The following TRPM3 variants were observed in gnomAD, a reference collection of about 807,000 sequenced individuals.
The protein encoded by TRPM3 is transient receptor potential cation channel subfamily M member 3.
In TRPM3, 77 loss-of-function variants were observed where a neutral mutation model predicts 181.2. That is an observed-to-expected ratio of 0.42 (90% confidence interval 0.35 to 0.51). The LOEUF is 0.51. Ranked by LOEUF, TRPM3 falls within the 20% of genes least tolerant of loss-of-function variation. The probability of loss-of-function intolerance (pLI) is 0.01; values close to 1 mark genes in which losing one functional copy is unlikely to be tolerated. For synonymous variants in TRPM3, 745 were observed against 796.4 expected (o/e 0.94, Z 1.09); for missense variants, 1,759 against 2,196.7 (o/e 0.80, Z 3.98).
At chr9:70,562,113 TAA>T (rs2049254298) in intron 22 of TRPM3, among the ~76,000 whole-genome samples, 1 of 152,184 alleles carries the variant, frequency 6.6e-6, no homozygotes, top group Admixed American at 6.5e-5. Context: ...AAAAATAAAT[TAA>T]GTTTCTAAAA....
At chr9:71,240,670 T>C (rs1565374934) in intron 1 of TRPM3, among the ~76,000 whole-genome samples, 1 of 151,254 alleles carries the variant, frequency 6.6e-6, no homozygotes, top group Non-Finnish European at 1.5e-5. Context: ...TAGCAATTTG[T>C]AAAAAAAGTT....
chr9:70,602,775 G>A (rs1338270969), intron 20 of TRPM3, among the ~76,000 whole-genome samples: 1 of 152,216 alleles, frequency 6.6e-6, no homozygotes. Context: ...ATAGAAGTGG[G>A]GGGAGAAAAG....
At chr9:70,673,193 C>T (rs927401976) in intron 9 of TRPM3, among the ~76,000 whole-genome samples, 2 of 151,702 alleles carry the variant, frequency 1.3e-5, no homozygotes, top group African/African-American at 4.9e-5. Flanking sequence ...ATTTGGCTTC[C>T]AGGTGGTTTT....
chr9:70,668,872 T>C (rs908738122), intron 9 of TRPM3, among the ~76,000 whole-genome samples: 3 of 152,216 alleles, frequency 2.0e-5, no homozygotes, highest in Admixed American at 2.0e-4. Flanking sequence ...AGGCAGCAAC[T>C]GATTTAATGA....
At chr9:70,945,582 T>G (rs939936412) in intron 1 of TRPM3, among the ~76,000 whole-genome samples, 5 of 152,262 alleles carry the variant, frequency 3.3e-5, no homozygotes, top group African/African-American at 1.2e-4. Context: ...ATTAACCAAC[T>G]CCCCAAATTT....
At chr9:70,806,276 G>T (rs1356763291) in intron 6 of TRPM3, among the ~76,000 whole-genome samples, 1 of 145,666 alleles carries the variant, frequency 6.9e-6, no homozygotes, top group African/African-American at 2.7e-5. Context: ...TCAGCTATGG[G>T]TGCCAAAAAA....
rs1460113125 is a variant in TRPM3 at position 70,531,323 on chromosome 9, T to G, written c.*4630A>C. The G allele has an allele frequency of 6.6e-6, 1 of 152,228 alleles. No individual in the cohort carries two copies. The allele number at this position is 152,228 out of a possible 1,614,324, so 9.4% of individuals were successfully genotyped here. ...GATTTAAAAATCCCTTGGTTACTTT[T>G]TTTTTGTTTTTAATTTTTCAAAACT... On this transcript the variant is annotated 3_prime_UTR_variant, in exon 26 of 26. Coordinates refer to ENST00000677713, the MANE Select transcript of TRPM3 (RefSeq NM_001366145.2).
intron 20 of TRPM3, among the ~76,000 whole-genome samples, chr9:70,600,419 G>A (rs554585792): frequency 2.0e-5 from 3 of 152,170 alleles, no homozygotes; most frequent in Non-Finnish European, 2.9e-5. Context: ...ACAGGTTTTC[G>A]TAAGTCAGGG....
chr9:71,390,044 C>T (rs2093025320), intron 1 of TRPM3, among the ~76,000 whole-genome samples: 1 of 152,040 alleles, frequency 6.6e-6, no homozygotes, highest in Non-Finnish European at 1.5e-5. Flanking sequence ...CATGTGTGCA[C>T]ACTCATACAC....
At position 70,537,328 on chromosome 9, in the gene TRPM3, T is replaced by C; in HGVS notation, c.3785A>G (p.Asp1262Gly). The C allele has an allele frequency of 6.6e-7, 1 of 1,521,072 alleles. No homozygotes were observed. The highest frequency in any genetic ancestry group is 8.8e-7 in the Non-Finnish European group (1 of 1,132,732). The allele number at this position is 1,521,072 out of a possible 1,614,324, so 94.2% of individuals were successfully genotyped here. Reference protein sequence around the residue: ...HSMKASLQTVDIRLAQLEDLI... With the variant: ...HSMKASLQTVGIRLAQLEDLI... ...GTCTTCCAGCTGCGCCAGCCGGATG[T>C]CCACGGTCTGGAGTGAAGCCTTCAT... Residue 1262 changes from aspartate (D) to glycine (G), a missense_variant, in exon 26 of 26, where the codon GAC (aspartate) becomes GGC (glycine). Asp to Gly is a moderately conservative substitution (Grantham distance 94). This residue lies in a region of TRPM3 where 612 missense variants were observed against 590.0 expected (regional missense o/e 1.04). Coordinates refer to ENST00000677713, the MANE Select transcript of TRPM3 (RefSeq NM_001366145.2).
Position 71,352,301 on chromosome 9 carries a change from G to T in TRPM3, c.183+94352C>A, listed in dbSNP as rs1002906979. ...AAACATTAATAAAAAATTTTCAAAG[G>T]AAAACTGACTTAATTTCTCCCATGA... On this transcript the variant is annotated intron_variant, in intron 1 of 24. Transcript: ENST00000357533. Among the ~76,000 whole-genome samples the T allele has an allele frequency of 2.0e-5, 3 of 152,132 alleles. No homozygotes were observed. The East Asian group carries it at 5.8e-4, about 29-fold the overall frequency.
chr9:70,822,312 T>C (rs757081173), intron 6 of TRPM3, among the ~76,000 whole-genome samples: 146 of 152,344 alleles, frequency 9.6e-4, no homozygotes, highest in Non-Finnish European at 1.1e-3. Flanking sequence ...GGGGCTTTCA[T>C]GTTGTCCCAT....
At chr9:70,903,356 T>C (rs2096413339) in intron 1 of TRPM3, among the ~76,000 whole-genome samples, 1 of 152,166 alleles carries the variant, frequency 6.6e-6, no homozygotes, top group South Asian at 2.1e-4. Flanking sequence ...ACACATTTGG[T>C]TGTGGGGATT....
chr9:71,317,678 TACAC>T (rs57633307), intron 1 of TRPM3, among the ~76,000 whole-genome samples: 18 of 148,944 alleles, frequency 1.2e-4, no homozygotes, highest in South Asian at 4.2e-4. Flanking sequence ...TATATATATA[TACAC>T]ACACACACAC....
intron 22 of TRPM3, among the ~76,000 whole-genome samples, chr9:70,573,419 A>C (rs781343461): frequency 1.3e-5 from 2 of 152,228 alleles, no homozygotes; most frequent in Non-Finnish European, 2.9e-5. Flanking sequence ...AGGCTCAGAT[A>C]ATTATAACCA....
chr9:71,139,362 T>C (rs2074962336), intron 1 of TRPM3, among the ~76,000 whole-genome samples: 1 of 152,220 alleles, frequency 6.6e-6, no homozygotes, highest in African/African-American at 2.4e-5. Context: ...TTCCTAGAGA[T>C]GTGTTCAAAA....
chr9:71,117,260 G>A (rs932268832), intron 1 of TRPM3, among the ~76,000 whole-genome samples: 1 of 152,006 alleles, frequency 6.6e-6, no homozygotes, highest in Non-Finnish European at 1.5e-5. Context: ...CCTAAATCTG[G>A]TGATCACCTC....
intron 1 of TRPM3, among the ~76,000 whole-genome samples, chr9:71,141,786 C>A (rs1166516296): frequency 6.6e-6 from 1 of 152,066 alleles, no homozygotes; most frequent in Non-Finnish European, 1.5e-5. Flanking sequence ...TCATGTCTGT[C>A]GTTCTGCTGG....
At chr9:70,969,826 ATATT>A (rs958155232) in intron 1 of TRPM3, among the ~76,000 whole-genome samples, 11 of 148,410 alleles carry the variant, frequency 7.4e-5, no homozygotes, top group Non-Finnish European at 1.6e-4. Flanking sequence ...TGTTATATAT[ATATT>A]TAAGAATAGT....
Sources: allele counts gnomAD v4.1 joint callset (sites outside exome capture counted in the v4.1 genomes callset), GRCh38; gene constraint gnomAD v4.1.1; regional missense constraint gnomAD v4.1.1; transcripts MANE v1.5; gene names NCBI Gene and HGNC (gene_info 2026-07-23, HGNC 2026-07-21).